The following OPCML variants were observed in gnomAD, a reference collection of about 807,000 sequenced individuals.
OPCML encodes the protein opioid-binding protein/cell adhesion molecule.
A neutral mutation model predicts 37.8 loss-of-function variants in OPCML; 13 were observed. The observed-to-expected ratio is 0.34, with a 90% confidence interval of 0.22 to 0.55. The LOEUF (loss-of-function observed/expected upper bound fraction) is 0.55. OPCML is among the 20% of genes least tolerant of loss of function. OPCML has a pLI of 0.91. For missense variants in OPCML, 341 were observed against 435.6 expected, an observed-to-expected ratio of 0.78 and a Z score of 1.93; for synonymous variants, 176 against 168.8, an observed-to-expected ratio of 1.04 and a Z score of -0.33.
chr11:133,414,143 C>T (rs925554444), intron 1 of OPCML, among the ~76,000 whole-genome samples: 2 of 152,146 alleles, frequency 1.3e-5, no homozygotes, highest in African/African-American at 4.8e-5. Flanking sequence ...CTGGTCCTTG[C>T]TCTGGGCATG....
Position 133,444,313 on chromosome 11 carries a change from G to A in OPCML, c.61+87951C>T, listed in dbSNP as rs183491885. On this transcript the variant is annotated intron_variant, in intron 1 of 7. Coordinates refer to ENST00000524381, the MANE Select transcript of OPCML (RefSeq NM_001012393.5). ...AGAGTTAGTTTCTTACTCTCAACAA[G>A]CTTAAAGCTATCAGAGTATAATTTT... Among the ~76,000 whole-genome samples the A allele has an allele frequency of 4.2e-4, 64 of 152,230 alleles. 1 individual carries two copies. In the East Asian group the frequency reaches 0.012, roughly 28 times the overall value.
intron 3 of OPCML, among the ~76,000 whole-genome samples, chr11:132,640,126 C>G (rs1306125220): frequency 6.6e-6 from 1 of 152,156 alleles, no homozygotes; most frequent in Non-Finnish European, 1.5e-5. Flanking sequence ...AGTTGCCCTG[C>G]CAGCATTCCA....
intron 3 of OPCML, among the ~76,000 whole-genome samples, chr11:132,650,012 T>C (rs1290063353): frequency 1.3e-5 from 2 of 152,106 alleles, no homozygotes; most frequent in African/African-American, 4.8e-5. Flanking sequence ...TTTTATAGGT[T>C]GTATGGCTCT....
At chr11:133,279,494 G>A (rs769410134) in intron 1 of OPCML, among the ~76,000 whole-genome samples, 6 of 152,156 alleles carry the variant, frequency 3.9e-5, no homozygotes, top group African/African-American at 7.2e-5. Context: ...GCTAAAGACC[G>A]TAGGCAGAAT....
chr11:133,270,732 C>T (rs190222340), intron 1 of OPCML, among the ~76,000 whole-genome samples: 26 of 152,240 alleles, frequency 1.7e-4, no homozygotes, highest in African/African-American at 6.0e-4. Flanking sequence ...AAATATTTCC[C>T]TCCAATTAAA....
chr11:132,505,372 T>C (rs2096254459), intron 4 of OPCML, among the ~76,000 whole-genome samples: 1 of 152,096 alleles, frequency 6.6e-6, no homozygotes, highest in Non-Finnish European at 1.5e-5. Flanking sequence ...CTTAAAAAGG[T>C]TAAAGTGGTA....
At chr11:133,349,275 A>G (rs1375646418) in intron 1 of OPCML, among the ~76,000 whole-genome samples, 1 of 151,994 alleles carries the variant, frequency 6.6e-6, no homozygotes, top group African/African-American at 2.4e-5. Flanking sequence ...ATTGTGCTAT[A>G]AATATAATGA....
At chr11:132,606,156 T>C (rs1355735991) in intron 3 of OPCML, among the ~76,000 whole-genome samples, 2 of 152,242 alleles carry the variant, frequency 1.3e-5, no homozygotes, top group East Asian at 3.9e-4. Context: ...CAGTCCTATT[T>C]ACATTAAAAG....
intron 1 of OPCML, among the ~76,000 whole-genome samples, chr11:132,967,334 C>T (rs1286819074): frequency 1.3e-5 from 2 of 152,018 alleles, no homozygotes. Flanking sequence ...ATACATATTA[C>T]AACTGTATTG....
rs563644413 is a variant in OPCML at position 133,158,323 on chromosome 11, C to T, written c.62-215313G>A. Among the ~76,000 whole-genome samples the T allele has an allele frequency of 2.3e-4, 35 of 152,216 alleles. No homozygotes were observed. In the South Asian group the frequency reaches 7.1e-3, roughly 31 times the overall value. On this transcript the variant is annotated intron_variant, in intron 1 of 7. Coordinates refer to ENST00000524381, the MANE Select transcript of OPCML (RefSeq NM_001012393.5). ...CTTAGTTGAGAAACCCAAAACAAAG[C>T]AATAATCTCATCAAGTAAATGATAA...
chr11:132,788,600 A>T (rs898134446), intron 2 of OPCML, among the ~76,000 whole-genome samples: 2 of 152,290 alleles, frequency 1.3e-5, no homozygotes, highest in Non-Finnish European at 2.9e-5. Flanking sequence ...GCATCATGTG[A>T]TATCATCACA....
intron 1 of OPCML, among the ~76,000 whole-genome samples, chr11:133,244,709 T>TCTCC (rs140155159): frequency 1.3e-5 from 2 of 151,642 alleles, no homozygotes. Context: ...TCACTCTCTC[T>TCTCC]CTCCTGCTCT....
chr11:132,489,749 T>G (rs1470199143), intron 4 of OPCML, among the ~76,000 whole-genome samples: 1 of 152,152 alleles, frequency 6.6e-6, no homozygotes, highest in Non-Finnish European at 1.5e-5. Context: ...GGTATACATG[T>G]GACATGGTGG....
intron 2 of OPCML, among the ~76,000 whole-genome samples, chr11:132,726,888 A>G (rs1168406371): frequency 6.6e-6 from 1 of 152,022 alleles, no homozygotes; most frequent in Non-Finnish European, 1.5e-5. Context: ...TTCCTACCAA[A>G]CCCCTCCCTT....
chr11:132,627,245 A>C (rs1171775493), intron 3 of OPCML, among the ~76,000 whole-genome samples: 1 of 152,340 alleles, frequency 6.6e-6, no homozygotes, highest in East Asian at 1.9e-4. Flanking sequence ...AAATGAATTT[A>C]TTACATTCAC....
intron 1 of OPCML, among the ~76,000 whole-genome samples, chr11:133,283,346 C>T (rs1049048231): frequency 2.3e-4 from 35 of 152,104 alleles, no homozygotes; most frequent in African/African-American, 7.0e-4. Flanking sequence ...CGATATTTGG[C>T]TATTTAAAAG....
chr11:133,245,875 C>T (rs1255854837), intron 1 of OPCML, among the ~76,000 whole-genome samples: 1 of 152,008 alleles, frequency 6.6e-6, no homozygotes, highest in Admixed American at 6.5e-5. Flanking sequence ...GAACAGAAAA[C>T]CAAACACTGG....
intron 1 of OPCML, among the ~76,000 whole-genome samples, chr11:132,998,680 G>A (rs1393789167): frequency 6.6e-6 from 1 of 152,172 alleles, no homozygotes; most frequent in African/African-American, 2.4e-5. Flanking sequence ...GGTGAAGGTG[G>A]GGGCTCTTGG....
At chr11:132,832,562 CTTTT>C (rs1421589885) in intron 2 of OPCML, among the ~76,000 whole-genome samples, 1 of 152,160 alleles carries the variant, frequency 6.6e-6, no homozygotes, top group Admixed American at 6.5e-5. Context: ...CCAATGCTTT[CTTTT>C]TTAACAAAAG....
Sources: allele counts gnomAD v4.1 joint callset (sites outside exome capture counted in the v4.1 genomes callset), GRCh38; gene constraint gnomAD v4.1.1; transcripts MANE v1.5; gene names NCBI Gene and HGNC (gene_info 2026-07-23, HGNC 2026-07-21).